The following RFWD3 variants were observed in gnomAD, a reference collection of about 807,000 sequenced individuals.
RFWD3 encodes E3 ubiquitin-protein ligase RFWD3.
In RFWD3, 65 loss-of-function variants were observed where a neutral mutation model predicts 87.7. The ratio of observed to expected loss-of-function variants is 0.74; its 90% confidence interval spans 0.61 to 0.91. The LOEUF is 0.91. RFWD3 is among the 40% of genes least tolerant of loss of function. The probability of loss-of-function intolerance (pLI) is 0.00; values close to 1 mark genes in which losing one functional copy is unlikely to be tolerated. For missense variants in RFWD3, 1,078 were observed against 938.5 expected (o/e 1.15, Z -1.94); for synonymous variants, 433 against 352.8 (o/e 1.23, Z -2.55).
chr16:74,651,837 G>A, intron 3 of RFWD3, 83 bp downstream of exon 3: 1 of 1,239,266 alleles, frequency 8.1e-7, no homozygotes, highest in South Asian at 1.3e-5. Flanking sequence ...AAGTGTCAAA[G>A]CACAAATCTA....
At chr16:74,650,061 T>G (rs1960451103) in intron 3 of RFWD3, among the ~76,000 whole-genome samples, 1 of 152,198 alleles carries the variant, frequency 6.6e-6, no homozygotes, top group African/African-American at 2.4e-5. Context: ...TAATATTATC[T>G]CTGTAGACTT....
In RFWD3 at chr16:74,623,025, G is replaced by A. The variant is rs78254155; in HGVS notation, c.*903C>T. 2 of 152,132 alleles carry A rather than the reference G, an allele frequency of 1.3e-5. No individual in the cohort carries two copies. The highest frequency in any genetic ancestry group is 2.9e-5 in the Non-Finnish European group (2 of 68,024). The allele number at this position is 152,132 out of a possible 1,614,324, so 9.4% of individuals were successfully genotyped here. A position where few individuals can be genotyped will look rare whatever the true frequency, so the allele number is the denominator to read the frequency against. On this transcript the variant is annotated 3_prime_UTR_variant, in exon 13 of 13. Coordinates refer to ENST00000361070, the MANE Select transcript of RFWD3 (RefSeq NM_018124.4). ...TAAATTCTCTTATGTCTTTTCTCCT[G>A]ATCTCTGACACTAGGGGAGACTCAA...
At chr16:74,666,453 C>A (rs550008414) in intron 1 of RFWD3, 4 of 152,344 alleles carry the variant, frequency 2.6e-5, no homozygotes, top group African/African-American at 9.6e-5. Context: ...GAGCCCGAGG[C>A]TAGGCTCTCG....
chr16:74,631,222 G>A (rs1015408981), intron 9 of RFWD3, among the ~76,000 whole-genome samples: 2 of 152,170 alleles, frequency 1.3e-5, no homozygotes, highest in Non-Finnish European at 2.9e-5. Context: ...GGTGGCTCAT[G>A]CCTGTAATCC....
At chr16:74,642,184 G>A (rs908251058) in intron 6 of RFWD3, among the ~76,000 whole-genome samples, 8 of 150,378 alleles carry the variant, frequency 5.3e-5, no homozygotes, top group Non-Finnish European at 7.4e-5. Context: ...GTGCAGTGGC[G>A]CAATCTCAGC....
At chr16:74,650,355 T>TC (rs1433473829) in intron 3 of RFWD3, among the ~76,000 whole-genome samples, 1 of 147,908 alleles carries the variant, frequency 6.8e-6, no homozygotes, top group African/African-American at 2.5e-5. Flanking sequence ...ATTCAGGGCT[T>TC]TTTTTTTTTT....
chr16:74,626,215 T>C, intron 12 of RFWD3, 128 bp downstream of exon 12: 1 of 775,758 alleles, frequency 1.3e-6, no homozygotes, highest in Admixed American at 2.2e-5. Flanking sequence ...TGCGGATATG[T>C]GGGATTACAG....
At chr16:74,647,230 TG>T (rs1311604139) in intron 4 of RFWD3, among the ~76,000 whole-genome samples, 9 of 152,100 alleles carry the variant, frequency 5.9e-5, no homozygotes, top group Admixed American at 1.3e-4. Context: ...GTTTTGACAT[TG>T]GAAGAATTCA....
Position 74,628,639 on chromosome 16 carries a change from C to A in RFWD3, c.1782G>T (p.Met594Ile), listed in dbSNP as rs756065089. Residue 594 changes from methionine (M) to isoleucine (I), a missense_variant, in exon 11 of 13, where the codon ATG becomes ATT. Met to Ile is a conservative substitution (Grantham distance 10). Coordinates refer to ENST00000361070, the MANE Select transcript of RFWD3 (RefSeq NM_018124.4). The part of the protein sequence containing the change: ...ARCPLVSLSY[M>I]PRAASAAFPY... ...GAAATGCAGCTGAGGCAGCTCTGGG[C>A]ATGTATGACAGGGAGACCAGTGGGC... 1.9e-6 allele frequency: 3 copies of A among 1,614,054 alleles called. No homozygotes were observed. Among genetic ancestry groups the A allele is most frequent in the East Asian group, 4.5e-5 (2 of 44,896 alleles).
chr16:74,660,570 AT>A (rs1461687195), intron 2 of RFWD3: 1 of 202,956 alleles, frequency 4.9e-6, no homozygotes, highest in Non-Finnish European at 1.0e-5. Context: ...AACCAAGACT[AT>A]GAAAGAAAAT....
chr16:74,624,151 C>A (rs1958850334), intron 12 of RFWD3, 80 bp from the exon 13 acceptor site: 12 of 1,495,582 alleles, frequency 8.0e-6, no homozygotes, highest in South Asian at 5.1e-5. Flanking sequence ...TCTAACAAGT[C>A]TGAAAGGCTG....
intron 7 of RFWD3, 78 bp from the exon 8 acceptor site, chr16:74,636,655 C>T (rs1007558452): frequency 1.0e-5 from 11 of 1,089,280 alleles, no homozygotes; most frequent in South Asian, 3.0e-5. Context: ...TGATCTTTTA[C>T]AGGAAGATTT....
Position 74,625,239 on chromosome 16 carries a change from T to TA in RFWD3, c.2181+1103dup, listed in dbSNP as rs1337405343. On this transcript the variant is annotated intron_variant, in intron 12 of 12. Transcript: ENST00000361070. Reference sequence around the variant, plus strand: ...GTAGAGAGGGACAGAAAAAAAAAGGTAGAGAGCACGGTGGCTCATGCTTGT... The same window carrying TA: ...GTAGAGAGGGACAGAAAAAAAAAGGTAAGAGAGCACGGTGGCTCATGCTTGT... Among the ~76,000 whole-genome samples, 1,111 of 141,280 alleles carry TA rather than the reference T, an allele frequency of 7.9e-3. 14 individuals carry two copies. Among genetic ancestry groups the TA allele is most frequent in the African/African-American group, 0.028 (1,053 of 37,902 alleles). 92.7% of individuals were successfully genotyped at this position (141,280 alleles called of 152,430 possible). A position where few individuals can be genotyped will look rare whatever the true frequency, so the allele number is the denominator to read the frequency against.
At chr16:74,637,609 G>C (rs1959254425) in intron 7 of RFWD3, among the ~76,000 whole-genome samples, 1 of 152,158 alleles carries the variant, frequency 6.6e-6, no homozygotes, top group Non-Finnish European at 1.5e-5. Flanking sequence ...CTCCAGCCTA[G>C]GTGACAGAGT....
At position 74,642,740 on chromosome 16, in the gene RFWD3, G is replaced by C. The variant is rs146925442; in HGVS notation, c.1079+1622C>G. On this transcript the variant is annotated intron_variant, in intron 6 of 12. Coordinates refer to ENST00000361070, the MANE Select transcript of RFWD3 (RefSeq NM_018124.4). ...ACTCCTGGTCTCAAGCAATCCTCCT[G>C]CCTCGGCCTTCCAAAGTGCTGGGAT... Among the ~76,000 whole-genome samples the C allele has an allele frequency of 3.5e-4, 53 of 152,200 alleles. No homozygotes were observed. In the East Asian group the frequency reaches 6.9e-3, roughly 20 times the overall value.
In RFWD3 at chr16:74,622,782, C is replaced by T. The variant is rs376585995; in HGVS notation, c.*1146G>A. 9 of 152,228 alleles carry T rather than the reference C, an allele frequency of 5.9e-5. No homozygotes were observed. The highest frequency in any genetic ancestry group is 2.2e-4 in the African/African-American group (9 of 41,520). 9.4% of individuals were successfully genotyped at this position (152,228 alleles called of 1,614,324 possible). On this transcript the variant is annotated 3_prime_UTR_variant, in exon 13 of 13. Coordinates refer to ENST00000361070, the MANE Select transcript of RFWD3 (RefSeq NM_018124.4). ...TAGTCTGAGGCAAGGCAAAGAAATA[C>T]AAACTGAGCCCTAGAAAAGGTTAGG... is the stretch of plus-strand genomic sequence containing the variant.
rs1184865071 is a variant in RFWD3, at chr16:74,636,338, C to A, written c.1426+8G>T. 1 of 1,611,902 alleles carries A rather than the reference C, an allele frequency of 6.2e-7. No homozygotes were observed. The highest frequency in any genetic ancestry group is 8.5e-7 in the Non-Finnish European group (1 of 1,178,062). ...AGAACATGAAAGCTGAGGTTCTAGA[C>A]TCTTTACCTGGAAGAAAAGAGGCCT... On this transcript the variant is annotated splice_region_variant and intron_variant, in intron 8 of 12. Transcript: ENST00000361070.
At chr16:74,656,606 C>A (rs1961009840) in intron 2 of RFWD3, among the ~76,000 whole-genome samples, 1 of 151,982 alleles carries the variant, frequency 6.6e-6, no homozygotes, top group Admixed American at 6.6e-5. Flanking sequence ...TACAGGCATG[C>A]ACACCATGCC....
intron 7 of RFWD3, among the ~76,000 whole-genome samples, chr16:74,636,795 C>A (rs1959207212): frequency 1.3e-5 from 2 of 151,640 alleles, no homozygotes; most frequent in South Asian, 4.2e-4. Flanking sequence ...CTCACTGCAA[C>A]CTCCATCTCC....
Sources: gnomAD v4.1 joint callset for allele counts (sites outside exome capture counted in the v4.1 genomes callset) on GRCh38, gnomAD v4.1.1 for gene constraint, MANE v1.5 for transcripts, NCBI Gene and HGNC (gene_info 2026-07-23, HGNC 2026-07-21) for gene names.